STK24: variants seen among roughly 807,000 people sequenced by gnomAD.
The protein encoded by STK24 is serine/threonine kinase 24.
Under a neutral mutation model 55.6 loss-of-function variants are expected in STK24, and 21 were observed. The ratio of observed to expected loss-of-function variants is 0.38; its 90% CI spans 0.27 to 0.54. STK24 has a LOEUF of 0.54. Ranked by LOEUF, STK24 falls within the 20% of genes least tolerant of loss-of-function variation. The probability of loss-of-function intolerance (pLI) is 0.79; values close to 1 mark genes in which losing one functional copy is unlikely to be tolerated. For synonymous variants in STK24, 200 were observed against 215.2 expected, an observed-to-expected ratio of 0.93 and a Z score of 0.62; for missense variants, 383 against 538.4, an observed-to-expected ratio of 0.71 and a Z score of 2.86.
At chr13:98,465,434 T>C (rs1021316798) in intron 6 of STK24, among the ~76,000 whole-genome samples, 2 of 152,180 alleles carry the variant, frequency 1.3e-5, no homozygotes, top group African/African-American at 2.4e-5. Flanking sequence ...CCTGCACACA[T>C]CTCCACTGGT....
In STK24 at chr13:98,445,693, C is replaced by T. The variant is rs143969812; in HGVS notation, c.*7480G>A. On this transcript the variant is annotated 3_prime_UTR_variant, in exon 11 of 11. Transcript: ENST00000539966. ...CCATTTCTGCCTCGGTGTCACAGGGCACACCCCTCTCCCCTCAAGGTGGCT... is the reference window on the plus strand; with the variant it reads ...CCATTTCTGCCTCGGTGTCACAGGGTACACCCCTCTCCCCTCAAGGTGGCT... The T allele has an allele frequency of 5.3e-4, 83 of 156,402 alleles. 2 individuals carry two copies. The East Asian group carries it at 0.015, about 29-fold the overall frequency. The allele number at this position is 156,402 out of a possible 1,614,324, so 9.7% of individuals were successfully genotyped here.
chr13:98,537,034 G>A (rs74707977), intron 1 of STK24, among the ~76,000 whole-genome samples: 1 of 152,218 alleles, frequency 6.6e-6, no homozygotes, highest in African/African-American at 2.4e-5. Flanking sequence ...CGCCTCCAAA[G>A]ATGAGAAGGG....
chr13:98,511,076 G>A (rs1566376952), intron 2 of STK24, among the ~76,000 whole-genome samples: 1 of 152,122 alleles, frequency 6.6e-6, no homozygotes, highest in Non-Finnish European at 1.5e-5. Flanking sequence ...ATAGCTCACT[G>A]CAGCCTCGAA....
At chr13:98,497,922 G>A (rs1343872386) in intron 2 of STK24, among the ~76,000 whole-genome samples, 1 of 152,172 alleles carries the variant, frequency 6.6e-6, no homozygotes, top group African/African-American at 2.4e-5. Flanking sequence ...GGGACTGGCT[G>A]CACTCAGCAA....
intron 5 of STK24, among the ~76,000 whole-genome samples, chr13:98,474,100 C>CA (rs1894270173): frequency 6.6e-6 from 1 of 152,178 alleles, no homozygotes; most frequent in South Asian, 2.1e-4. Flanking sequence ...GAAGTTAAAC[C>CA]AGAGCCCTAG....
Position 98,446,512 on chromosome 13 carries a change from C to A in STK24, c.*6661G>T. 1.3e-6 allele frequency: 1 copy of A among 745,260 alleles called. No individual in the cohort carries two copies. The allele number at this position is 745,260 out of a possible 1,614,324, so 46.2% of individuals were successfully genotyped here. A position where few individuals can be genotyped will look rare whatever the true frequency, so the allele number is the denominator to read the frequency against. ...GACTTGCCACCCGGGCCATCACGTA[C>A]AGGCAAACACTGGCTGCCATGGTCC... On this transcript the variant is annotated 3_prime_UTR_variant, in exon 11 of 11. Transcript: ENST00000539966.
chr13:98,453,164 A>G lies in STK24; in HGVS notation c.*9T>C, dbSNP rs376463773. 6.2e-7 allele frequency: 1 copy of G among 1,613,808 alleles called. No homozygotes were observed. The highest frequency in any genetic ancestry group is 8.5e-7 in the Non-Finnish European group (1 of 1,179,918). ...AAGGAAAAACAAAACCCCAAATGCCAAAGGAATTTCAGTGGGATGAAGTTC... is the reference window on the plus strand; with the variant it reads ...AAGGAAAAACAAAACCCCAAATGCCGAAGGAATTTCAGTGGGATGAAGTTC... On this transcript the variant is annotated 3_prime_UTR_variant, in exon 11 of 11. Coordinates refer to ENST00000539966, the MANE Select transcript of STK24 (RefSeq NM_001032296.4).
At position 98,461,791 on chromosome 13, in the gene STK24, C is replaced by T; in HGVS notation, c.1036G>A (p.Asp346Asn). Residue 346 changes from aspartate (D) to asparagine (N), a missense_variant, in exon 8 of 11, where the codon GAC (aspartate) becomes AAC (asparagine). Transcript: ENST00000539966. ...NLENGALQPS[D>N]LDRNKMKDIP... ...AGACGTACCTTATTTCTGTCCAAGT[C>T]CGATGGCTGAAGAGCTCCATTCTCG... 6.2e-7 allele frequency: 1 copy of T among 1,614,122 alleles called. No individual in the cohort carries two copies. The highest frequency in any genetic ancestry group is 1.1e-5 in the South Asian group (1 of 91,070).
Position 98,465,380 on chromosome 13 carries a change from G to T in STK24, c.783+996C>A, listed in dbSNP as rs145269240. On this transcript the variant is annotated intron_variant, in intron 6 of 10. Transcript: ENST00000539966. ...TGTGGGGTGGAGCTCTGTGTGCTGG[G>T]GCATAAGCCCATACAGGACACATGC... 3.1e-4 allele frequency among the ~76,000 whole-genome samples: 47 copies of T among 152,332 alleles called. 1 individual carries two copies. The South Asian group carries it at 9.5e-3, about 31-fold the overall frequency.
At chr13:98,576,551 A>G (rs1452022046) in intron 1 of STK24, among the ~76,000 whole-genome samples, 194 bp downstream of exon 1, 1 of 151,918 alleles carries the variant, frequency 6.6e-6, no homozygotes, top group Non-Finnish European at 1.5e-5. Flanking sequence ...CACACGCCGG[A>G]GACCTCGGCC....
intron 3 of STK24, 81 bp from the exon 4 acceptor site, chr13:98,475,439 T>TTAACATGGATA: frequency 7.4e-6 from 7 of 949,862 alleles, no homozygotes; most frequent in Non-Finnish European, 9.6e-6. Flanking sequence ...ACACTATCCA[T>TTAACATGGATA]GTTAATGGAC....
chr13:98,501,970 C>G (rs1164548117), intron 2 of STK24, among the ~76,000 whole-genome samples: 5 of 152,160 alleles, frequency 3.3e-5, no homozygotes, highest in Non-Finnish European at 7.3e-5. Flanking sequence ...GTCCCCTATG[C>G]CATTGGAGGG....
Position 98,475,363 on chromosome 13 carries a change from G to A in STK24, c.331-5C>T. 3 of 1,577,840 alleles carry A rather than the reference G, an allele frequency of 1.9e-6. No individual in the cohort carries two copies. On this transcript the variant is annotated splice_polypyrimidine_tract_variant and splice_region_variant and intron_variant, in intron 3 of 10. Transcript: ENST00000539966. ...ATCTAATGGGCCAGGTTCTAACTAA[G>A]AAGAGAAAAAAATTCTTAAAGTTAC...
chr13:98,528,554 A>T (rs551476823), intron 1 of STK24, among the ~76,000 whole-genome samples: 19 of 152,198 alleles, frequency 1.2e-4, no homozygotes, highest in Admixed American at 2.6e-4. Flanking sequence ...CCATTCCACA[A>T]TACAACACAA....
intron 1 of STK24, among the ~76,000 whole-genome samples, chr13:98,551,023 A>G (rs559987631): frequency 1.3e-5 from 2 of 152,146 alleles, no homozygotes; most frequent in Admixed American, 1.3e-4. Flanking sequence ...GTGGTGGCTC[A>G]CGCCTGTAAT....
At chr13:98,570,988 G>A (rs1345345960) in intron 1 of STK24, among the ~76,000 whole-genome samples, 1 of 152,148 alleles carries the variant, frequency 6.6e-6, no homozygotes, top group African/African-American at 2.4e-5. Context: ...GCTGAGCTAA[G>A]GCATTAAAAG....
chr13:98,542,231 T>TA (rs34620301), intron 1 of STK24, among the ~76,000 whole-genome samples: 12,472 of 152,292 alleles, frequency 0.082, 581 homozygotes, highest in Non-Finnish European at 0.11. Flanking sequence ...TCAGCCATTT[T>TA]AAAGCATTGT....
intron 3 of STK24, among the ~76,000 whole-genome samples, chr13:98,475,616 C>A (rs1003862030): frequency 4.6e-5 from 7 of 152,232 alleles, no homozygotes; most frequent in Non-Finnish European, 7.3e-5. Context: ...AGGAAGCCCG[C>A]AGCCCCGCCT....
chr13:98,461,874 C>A lies in STK24; in HGVS notation c.953G>T (p.Gly318Val), dbSNP rs1213353621. ...SDAETDGQAS[G>V]GSDSGDWIFT... ...GATCCAGTCCCCAGAATCACTGCCC[C>A]CCGAGGCTTGGCCATCTGTTTCCCT... The change falls in exon 8 of 11, where the codon GGG becomes GTG. Residue 318 changes from glycine to valine, a missense_variant. By Grantham distance (109) the Gly-to-Val change is moderately radical (BLOSUM62 -3). Transcript: ENST00000539966. 1 of 1,614,066 alleles carries A rather than the reference C, an allele frequency of 6.2e-7. No homozygotes were observed. The highest frequency in any genetic ancestry group is 8.5e-7 in the Non-Finnish European group (1 of 1,179,964).
Sources: gnomAD v4.1 joint callset for allele counts (sites outside exome capture counted in the v4.1 genomes callset) on GRCh38, gnomAD v4.1.1 for gene constraint, MANE v1.5 for transcripts, NCBI Gene and HGNC (gene_info 2026-07-23, HGNC 2026-07-21) for gene names.